RASAL3: variants seen among roughly 807,000 people sequenced by gnomAD.
RASAL3 encodes RAS protein activator like-3.
In RASAL3, 74 loss-of-function variants were observed where a neutral mutation model predicts 105.5. The ratio of observed to expected loss-of-function variants is 0.70; its 90% CI spans 0.58 to 0.85. The LOEUF is 0.85. Ranked by LOEUF, RASAL3 falls within the 40% of genes least tolerant of loss-of-function variation. The pLI, the probability that RASAL3 is intolerant of heterozygous loss-of-function variation, is 0.00. For synonymous variants in RASAL3, 579 were observed against 591.6 expected, an observed-to-expected ratio of 0.98 and a Z score of 0.31; for missense variants, 1,352 against 1,392.0, an observed-to-expected ratio of 0.97 and a Z score of 0.46.
rs905384362 is a variant in RASAL3, at chr19:15,452,697, C to T, written c.2789G>A (p.Arg930Gln). The T allele has an allele frequency of 3.2e-6, 5 of 1,552,054 alleles. No homozygotes were observed. In the East Asian group the frequency reaches 9.7e-5, roughly 30 times the overall value. ...GGAGTCCAGATCCTGCAGCTGGCCC[C>T]GCAGCTGCTCCTGCTGCTCCGTCAA... is the stretch of plus-strand genomic sequence containing the variant. ...RALTEQQEQL[R>Q]GQLQDLDSRL... The change falls in exon 16 of 18, where the codon CGG (arginine) becomes CAG (glutamine). Residue 930 changes from arginine (R) to glutamine (Q), a missense_variant. Around this residue, in one of 3 missense-constraint regions of RASAL3, gnomAD observed 920 missense variants for 919.6 expected, o/e 1.00. Transcript: ENST00000343625.
chr19:15,460,972 G>A (rs1970488021), intron 5 of RASAL3, 88 bp downstream of exon 5: 1 of 1,247,108 alleles, frequency 8.0e-7, no homozygotes, highest in East Asian at 2.4e-5. Flanking sequence ...ACCTGCTCCA[G>A]ATCACCCAGC....
Position 15,457,473 on chromosome 19 carries a change from G to T in RASAL3, c.1250C>A (p.Ala417Glu). 3.1e-6 allele frequency: 4 copies of T among 1,305,464 alleles called. No individual in the cohort carries two copies. Among genetic ancestry groups the T allele is most frequent in the Non-Finnish European group, 3.9e-6 (4 of 1,023,546 alleles). The allele number at this position is 1,305,464 out of a possible 1,614,324, so 80.9% of individuals were successfully genotyped here. Residue 417 changes from alanine to glutamate, a missense_variant, in exon 9 of 18, where the codon GCG becomes GAG. Coordinates refer to ENST00000343625, the MANE Select transcript of RASAL3 (RefSeq NM_022904.3). The surrounding 1 kb of genome is among the most constrained non-coding windows in gnomAD (Gnocchi z 8.6). ...GCGCAGGCGACGCGCCCGAATCCGC[G>T]CCCGCAGCGCTGCGCCCGCCGGCGC... ...LGAPAGAALR[A>E]RIRARRLRVL...
At chr19:15,462,643 C>T (rs555373293) in intron 2 of RASAL3, among the ~76,000 whole-genome samples, 75 of 152,118 alleles carry the variant, frequency 4.9e-4, no homozygotes, top group Middle Eastern at 6.8e-3. Context: ...CGCTTATTAA[C>T]GGATCACTTA....
Position 15,452,297 on chromosome 19 carries a change from A to C in RASAL3, c.2829-189T>G, listed in dbSNP as rs965566981. ...AGACGGGAATGGTTGGAATGACAGGACCTATCAATCATCCCTTGGAGGTGG... is the reference window on the plus strand; with the variant it reads ...AGACGGGAATGGTTGGAATGACAGGCCCTATCAATCATCCCTTGGAGGTGG... On this transcript the variant is annotated intron_variant, in intron 16 of 17. Coordinates refer to ENST00000343625, the MANE Select transcript of RASAL3 (RefSeq NM_022904.3). 7 of 634,132 alleles carry C rather than the reference A, an allele frequency of 1.1e-5. No individual in the cohort carries two copies. In the Admixed American group the frequency reaches 1.7e-4, roughly 16 times the overall value. The allele number at this position is 634,132 out of a possible 1,614,324, so 39.3% of individuals were successfully genotyped here.
At chr19:15,454,086 CCT>C (rs913146520) in intron 14 of RASAL3, 61 bp downstream of exon 14, 15 of 1,208,718 alleles carry the variant, frequency 1.2e-5, no homozygotes, top group South Asian at 2.8e-5. Flanking sequence ...ACCTCTGACC[CCT>C]GTCTGAGCCC....
At position 15,457,609 on chromosome 19, in the gene RASAL3, C is replaced by A; in HGVS notation, c.1114G>T (p.Gly372Cys). 1 of 1,358,066 alleles carries A rather than the reference C, an allele frequency of 7.4e-7. No homozygotes were observed. Among genetic ancestry groups the A allele is most frequent in the Non-Finnish European group, 9.5e-7 (1 of 1,052,364 alleles). 84.1% of individuals were successfully genotyped at this position (1,358,066 alleles called of 1,614,324 possible). A position where few individuals can be genotyped will look rare whatever the true frequency, so the allele number is the denominator to read the frequency against. ...AGCACCGCGCTTCCCGGGCCCAAGC[C>A]GCGCAGCCGCAGCGACAGGCGACGT... Reference protein sequence around the residue: ...PARRLSLRLRGLGPGSAVLGR... With the variant: ...PARRLSLRLRCLGPGSAVLGR... The change falls in exon 9 of 18, where the codon GGC becomes TGC. Residue 372 changes from glycine to cysteine, a missense_variant. Coordinates refer to ENST00000343625, the MANE Select transcript of RASAL3 (RefSeq NM_022904.3). This position sits in a 1 kb window ranked among gnomAD's most constrained non-coding sequence, Gnocchi z 8.6.
In RASAL3 at chr19:15,453,013, T is replaced by C. The variant is rs1364877274; in HGVS notation, c.2670+94A>G. The C allele has an allele frequency of 3.9e-6, 6 of 1,556,828 alleles. No homozygotes were observed. The African/African-American group carries it at 6.8e-5, about 18-fold the overall frequency. On this transcript the variant is annotated intron_variant, in intron 15 of 17. Coordinates refer to ENST00000343625, the MANE Select transcript of RASAL3 (RefSeq NM_022904.3). The surrounding 1 kb of genome is among the most constrained non-coding windows in gnomAD (Gnocchi z 4.2). ...CCTGGGGTCACACAGCACAGCGAGC[T>C]GGGTACTTGAACCCAGACTTGCCTG...
In RASAL3 at chr19:15,453,179, T is replaced by A; in HGVS notation, c.2598A>T (p.Val866=). Residue 866 remains valine, a synonymous_variant, in exon 15 of 18, where the codon GTA becomes GTT. Transcript: ENST00000343625. The surrounding 1 kb of genome is among the most constrained non-coding windows in gnomAD (Gnocchi z 4.2). ...GCTGGTCCATTTGGCGCTGCCAGGG[T>A]ACCGACGGCTTCCGAGGCAGCGAGG... ...DSASLPRKPS[V]PWQRQMDQPQ... 1 of 1,612,610 alleles carries A rather than the reference T, an allele frequency of 6.2e-7. No individual in the cohort carries two copies. Among genetic ancestry groups the A allele is most frequent in the Non-Finnish European group, 8.5e-7 (1 of 1,179,436 alleles).
At chr19:15,458,044 G>T in intron 8 of RASAL3, 2 of 648,942 alleles carry the variant, frequency 3.1e-6, no homozygotes, top group Middle Eastern at 4.2e-4. Context: ...AGAGTTGGGG[G>T]CTCCAGGGCA....
At position 15,457,017 on chromosome 19, in the gene RASAL3, C is replaced by T. The variant is rs192497219; in HGVS notation, c.1431+275G>A. 1,080 of 425,080 alleles carry T rather than the reference C, an allele frequency of 2.5e-3. 12 individuals are homozygous for T. The highest frequency in any genetic ancestry group is 0.02 in the African/African-American group (1,000 of 49,282). The allele number at this position is 425,080 out of a possible 1,614,324, so 26.3% of individuals were successfully genotyped here. On this transcript the variant is annotated intron_variant, in intron 9 of 17. Transcript: ENST00000343625. This position sits in a 1 kb window ranked among gnomAD's most constrained non-coding sequence, Gnocchi z 8.6. ...CAAGGTGCCCCGCCCCTTACAGGTG[C>T]AGCTCAGCCCCAGCCCCTCACAGCT...
intron 6 of RASAL3, 132 bp from the exon 7 acceptor site, chr19:15,458,787 C>T: frequency 1.7e-6 from 2 of 1,199,642 alleles, no homozygotes; most frequent in Non-Finnish European, 2.3e-6. Context: ...CCCCCCCCAC[C>T]CCCCGCCATG....
Position 15,464,038 on chromosome 19 carries a change from C to T in RASAL3, c.321G>A (p.Glu107=). The change falls in exon 2 of 18, where the codon GAG becomes GAA. Residue 107 remains glutamate (E), a synonymous_variant. Coordinates refer to ENST00000343625, the MANE Select transcript of RASAL3 (RefSeq NM_022904.3). ...PPEPDPEPEQ[E]APELEPEPEL... is the part of the protein sequence containing the mutation. ...GGTGGGGGAACCATGTACCTGGGGC[C>T]TCCTGCTCCGGCTCCGGGTCTGGCT... The T allele has an allele frequency of 1.3e-6, 2 of 1,561,374 alleles. No homozygotes were observed. Among genetic ancestry groups the T allele is most frequent in the Non-Finnish European group, 1.7e-6 (2 of 1,152,426 alleles).
rs762887584 is a variant in RASAL3, at chr19:15,454,383, G to A, written c.2138C>T (p.Thr713Ile). The change falls in exon 13 of 18, where the codon ACA becomes ATA. Residue 713 changes from threonine (T) to isoleucine (I), a missense_variant. Thr to Ile is a moderately conservative substitution (Grantham distance 89, BLOSUM62 -1). Coordinates refer to ENST00000343625, the MANE Select transcript of RASAL3 (RefSeq NM_022904.3). ...QLAVLHAQLC[T>I]IFAELDQTTR... is the part of the protein sequence containing the mutation. The stretch of plus-strand genomic sequence containing the variant: ...TACCTGGTCAAGCTCAGCAAAAATT[G>A]TACAGAGCTGGGCATGCAGGACAGC... 1.9e-5 allele frequency: 31 copies of A among 1,612,862 alleles called. No individual in the cohort carries two copies. Among genetic ancestry groups the A allele is most frequent in the Non-Finnish European group, 2.5e-5 (30 of 1,179,418 alleles).
At chr19:15,464,426 GC>G in intron 1 of RASAL3, 49 bp from the exon 2 acceptor site, 1 of 1,466,690 alleles carries the variant, frequency 6.8e-7, no homozygotes, top group Non-Finnish European at 9.3e-7. Context: ...TCCACATACT[GC>G]CCTCATCTCG....
Position 15,464,173 on chromosome 19 carries a change from GGCT to G in RASAL3, c.183_185del (p.Ala62del), listed in dbSNP as rs780040929. The G allele has an allele frequency of 1.1e-5, 17 of 1,612,972 alleles. No homozygotes were observed. Among genetic ancestry groups the G allele is most frequent in the Non-Finnish European group, 1.4e-5 (17 of 1,179,704 alleles). On this transcript the variant is annotated inframe_deletion, in exon 2 of 18. Coordinates refer to ENST00000343625, the MANE Select transcript of RASAL3 (RefSeq NM_022904.3). ...GGACCCGACGGAATATCGAGCGAGGGGCTGGCTGGGTGCTGACCATGGGCTCCT... is the reference window on the plus strand; with the variant it reads ...GGACCCGACGGAATATCGAGCGAGGGGGCTGGGTGCTGACCATGGGCTCCT...
In RASAL3 at chr19:15,464,093, AG is replaced by A; in HGVS notation, c.265del (p.Leu89SerfsTer120). On this transcript the variant is annotated frameshift_variant, in exon 2 of 18. Coordinates refer to ENST00000343625, the MANE Select transcript of RASAL3 (RefSeq NM_022904.3). LOFTEE classifies it high-confidence loss of function. ...RTSRLRLSKALWGRHKNPPPE... is the reference protein window; with the variant it reads ...RTSRLRLSKAXWGRHKNPPPE... ...CGGTGGGTTCTTATGCCTCCCCCAG[AG>A]GGCCTTGGAGAGTCGAAGGCGACTG... 6.2e-7 allele frequency: 1 copy of A among 1,607,184 alleles called. No homozygotes were observed. The highest frequency in any genetic ancestry group is 8.5e-7 in the Non-Finnish European group (1 of 1,175,986).
At chr19:15,454,016 T>C in intron 14 of RASAL3, 133 bp downstream of exon 14, 1 of 684,904 alleles carries the variant, frequency 1.5e-6, no homozygotes, top group Non-Finnish European at 2.5e-6. Context: ...CAACCCTTTC[T>C]ATAACCTGTG....
chr19:15,458,221 G>A (rs1448369386), intron 8 of RASAL3, 107 bp downstream of exon 8: 16 of 997,562 alleles, frequency 1.6e-5, no homozygotes, highest in Non-Finnish European at 2.1e-5. Context: ...CGGGGCAGGT[G>A]TGTTGGGGGC....
chr19:15,452,581 G>GGGT, intron 16 of RASAL3, 77 bp downstream of exon 16: 1 of 1,206,412 alleles, frequency 8.3e-7, no homozygotes, highest in Non-Finnish European at 1.1e-6. Flanking sequence ...GGTTTGGGGG[G>GGGT]GGGGGGGAGG....
Sources: gnomAD v4.1 joint callset for allele counts (sites outside exome capture counted in the v4.1 genomes callset) on GRCh38, gnomAD v4.1.1 for gene constraint, gnomAD v4.1.1 regional missense constraint, Gnocchi (gnomAD v3.1) non-coding constraint, MANE v1.5 for transcripts, NCBI Gene and HGNC (gene_info 2026-07-23, HGNC 2026-07-21) for gene names.